PDE1C: variants seen among roughly 807,000 people sequenced by gnomAD.
PDE1C encodes dual specificity calcium/calmodulin-dependent 3',5'-cyclic nucleotide phosphodiesterase 1C.
In PDE1C, 62 loss-of-function variants were observed where a neutral mutation model predicts 93.1. The ratio of observed to expected loss-of-function variants is 0.67; its 90% CI spans 0.54 to 0.82. PDE1C has a LOEUF of 0.82. PDE1C is among the 40% of genes least tolerant of loss of function. PDE1C has a pLI of 0.00. For synonymous variants in PDE1C, 325 were observed against 310.1 expected (o/e 1.05, Z -0.50); for missense variants, 742 against 884.6 (o/e 0.84, Z 2.04).
chr7:31,878,798 A>G (rs1285973641), intron 4 of PDE1C, among the ~76,000 whole-genome samples, 198 bp downstream of exon 4: 4 of 152,230 alleles, frequency 2.6e-5, no homozygotes, highest in African/African-American at 9.6e-5. Flanking sequence ...GAGCAAAAGC[A>G]AAAGCTTTTC....
chr7:31,738,813 C>T, the PDE1C span, among the ~76,000 whole-genome samples: 1 of 152,168 alleles, frequency 6.6e-6, no homozygotes, highest in East Asian at 1.9e-4. Flanking sequence ...GCACAGAGCA[C>T]TCTCAGCCTG....
At chr7:31,930,771 C>T (rs919762070) in intron 2 of PDE1C, among the ~76,000 whole-genome samples, 1 of 139,608 alleles carries the variant, frequency 7.2e-6, no homozygotes, top group African/African-American at 2.7e-5. Context: ...ATCACTTGAA[C>T]CTGGGAGGCG....
At chr7:32,097,277 G>A (rs192699527) in intron 3 of PDE1C, among the ~76,000 whole-genome samples, 75 of 152,296 alleles carry the variant, frequency 4.9e-4, no homozygotes, top group Non-Finnish European at 5.0e-4. Flanking sequence ...GCACTGCACA[G>A]CCCAGTAAAG....
the PDE1C span, among the ~76,000 whole-genome samples, chr7:31,713,518 G>C: frequency 2.6e-5 from 4 of 152,244 alleles, no homozygotes; most frequent in African/African-American, 9.6e-5. Context: ...CTGGAGGACA[G>C]TGGCCCTCTT....
intron 2 of PDE1C, among the ~76,000 whole-genome samples, chr7:32,030,633 G>A (rs1790187956): frequency 6.6e-6 from 1 of 152,050 alleles, no homozygotes; most frequent in African/African-American, 2.4e-5. Context: ...TGTACAGGAA[G>A]GACTTTCTGA....
intron 3 of PDE1C, among the ~76,000 whole-genome samples, chr7:32,115,540 C>T (rs1262634172): frequency 6.6e-6 from 1 of 151,996 alleles, no homozygotes; most frequent in Non-Finnish European, 1.5e-5. Flanking sequence ...ACCTAGATGA[C>T]TGATTAATAG....
At chr7:31,899,089 T>C (rs1005651057) in intron 2 of PDE1C, among the ~76,000 whole-genome samples, 1 of 151,678 alleles carries the variant, frequency 6.6e-6, no homozygotes, top group Non-Finnish European at 1.5e-5. Flanking sequence ...TAGTGGACTG[T>C]TGCTTTTAGT....
intron 7 of PDE1C, among the ~76,000 whole-genome samples, chr7:31,861,394 A>AT (rs1216868087): frequency 6.6e-6 from 1 of 151,968 alleles, no homozygotes; most frequent in Non-Finnish European, 1.5e-5. Context: ...TTCTTATACT[A>AT]TTGATATGTC....
intron 2 of PDE1C, among the ~76,000 whole-genome samples, chr7:31,909,347 T>A (rs1422216246): frequency 6.6e-6 from 1 of 152,152 alleles, no homozygotes; most frequent in Non-Finnish European, 1.5e-5. Flanking sequence ...CTCTTAGTCA[T>A]CTTTACATAC....
intron 3 of PDE1C, among the ~76,000 whole-genome samples, chr7:32,124,843 A>C (rs1194002674): frequency 1.3e-5 from 2 of 152,222 alleles, no homozygotes; most frequent in African/African-American, 4.8e-5. Flanking sequence ...TGCCAAAAGC[A>C]ATTGCAACAA....
chr7:31,955,126 T>C (rs1807947926), intron 2 of PDE1C, among the ~76,000 whole-genome samples: 1 of 152,226 alleles, frequency 6.6e-6, no homozygotes, highest in Admixed American at 6.5e-5. Flanking sequence ...CTACAGATAT[T>C]ATTTTGCATA....
chr7:32,267,977 C>G (rs1245893918), intron 1 of PDE1C, among the ~76,000 whole-genome samples: 1 of 152,174 alleles, frequency 6.6e-6, no homozygotes, highest in Admixed American at 6.5e-5. Context: ...GAAAGTGACA[C>G]TCGTGATCTT....
chr7:31,934,810 T>C (rs1276730795), intron 2 of PDE1C, among the ~76,000 whole-genome samples: 1 of 152,156 alleles, frequency 6.6e-6, no homozygotes, highest in Non-Finnish European at 1.5e-5. Flanking sequence ...CAGGCTTGCC[T>C]GCCGTTCTTT....
chr7:32,323,400 C>A (rs948399260), intron 1 of PDE1C, among the ~76,000 whole-genome samples: 1 of 152,154 alleles, frequency 6.6e-6, no homozygotes, highest in African/African-American at 2.4e-5. Flanking sequence ...AAGAGCCAGT[C>A]TGAGCTAGCT....
chr7:31,879,031 G>A lies in PDE1C; in HGVS notation c.390C>T (p.Ile130=), dbSNP rs776103841. 3.1e-6 allele frequency: 5 copies of A among 1,614,110 alleles called. No individual in the cohort carries two copies. Among genetic ancestry groups the A allele is most frequent in the Non-Finnish European group, 3.4e-6 (4 of 1,179,978 alleles). Residue 130 remains isoleucine (I), a synonymous_variant, in exon 4 of 18, where the codon ATC becomes ATT. Coordinates refer to ENST00000396191, the MANE Select transcript of PDE1C (RefSeq NM_001191057.4). The stretch of plus-strand genomic sequence containing the variant: ...ATATCCCAGCCTGCACTGCGTGAAC[G>A]ATGCTCTTGAACCGGGGCTTCTCGT... ...RSDEKPRFKS[I]VHAVQAGIFV...
chr7:31,640,903 T>C, the PDE1C span, among the ~76,000 whole-genome samples: 18 of 152,234 alleles, frequency 1.2e-4, no homozygotes, highest in African/African-American at 4.3e-4. Context: ...CCTCTGATTT[T>C]TAGCTTTTAG....
the PDE1C span, among the ~76,000 whole-genome samples, chr7:31,684,712 C>G: frequency 9.2e-5 from 14 of 152,102 alleles, no homozygotes; most frequent in African/African-American, 3.1e-4. Flanking sequence ...AAAACCATGA[C>G]GAGATATTAC....
intron 3 of PDE1C, among the ~76,000 whole-genome samples, chr7:32,095,727 T>C (rs1797716455): frequency 6.6e-6 from 1 of 152,226 alleles, no homozygotes; most frequent in Non-Finnish European, 1.5e-5. Flanking sequence ...TGGGGGTGCT[T>C]CTCTGTTTCC....
At chr7:31,744,077 A>G in the PDE1C span, among the ~76,000 whole-genome samples, 770 of 152,306 alleles carry the variant, frequency 5.1e-3, 7 homozygotes, top group African/African-American at 0.018. Flanking sequence ...TTAGCATACT[A>G]AGATTAATAA....
Sources: allele counts gnomAD v4.1 joint callset (sites outside exome capture counted in the v4.1 genomes callset), GRCh38; gene constraint gnomAD v4.1.1; transcripts MANE v1.5; gene names NCBI Gene and HGNC (gene_info 2026-07-23, HGNC 2026-07-21).